The following RYK variants were observed in gnomAD, a reference collection of about 807,000 sequenced individuals.
RYK encodes inactive tyrosine-protein kinase RYK.
In RYK, 21 loss-of-function variants were observed where a neutral mutation model predicts 70.2. The observed-to-expected ratio is 0.30, with a 90% CI of 0.21 to 0.43. The LOEUF (loss-of-function observed/expected upper bound fraction) is 0.43. Among genes scored for constraint, RYK ranks in the 20% least tolerant of loss-of-function variants. RYK has a pLI of 1.00. For synonymous variants in RYK, 267 were observed against 278.0 expected, an observed-to-expected ratio of 0.96 and a Z score of 0.39; for missense variants, 604 against 753.3, an observed-to-expected ratio of 0.80 and a Z score of 2.32.
At chr3:134,222,352 A>G in intron 2 of RYK, 66 bp downstream of exon 2, 2 of 1,585,568 alleles carry the variant, frequency 1.3e-6, no homozygotes, top group Non-Finnish European at 8.6e-7. Flanking sequence ...CCAGTCCTCA[A>G]ACACAGCCCT....
Position 134,202,887 on chromosome 3 carries a change from CA to C in RYK, c.644-14del, listed in dbSNP as rs1200227070. On this transcript the variant is annotated splice_polypyrimidine_tract_variant and intron_variant, in intron 5 of 14. Coordinates refer to ENST00000623711, the MANE Select transcript of RYK (RefSeq NM_002958.4). ...TGTACAGGATCATCTGAAATAAAAACAAAAAGCACATTTAGCTTTTTAAACA... is the reference window on the plus strand; with the variant it reads ...TGTACAGGATCATCTGAAATAAAAACAAAAGCACATTTAGCTTTTTAAACA... The C allele has an allele frequency of 6.2e-7, 1 of 1,606,276 alleles. No homozygotes were observed. The highest frequency in any genetic ancestry group is 1.1e-5 in the South Asian group (1 of 88,964).
Position 134,222,395 on chromosome 3 carries a change from T to C in RYK, c.354+23A>G, listed in dbSNP as rs78405313. The C allele has an allele frequency of 8.5e-4, 1,374 of 1,612,016 alleles. 18 individuals are homozygous for C. In the East Asian group the frequency reaches 0.026, roughly 31 times the overall value. ...GTGGCTGGGTGACCCTGTCATGATG[T>C]CTGTGGTTAGCCACTCTCTTACCTT... On this transcript the variant is annotated intron_variant, in intron 2 of 14. Transcript: ENST00000623711.
At chr3:134,195,619 AC>A (rs1175864192) in intron 6 of RYK, among the ~76,000 whole-genome samples, 1 of 152,236 alleles carries the variant, frequency 6.6e-6, no homozygotes, top group East Asian at 1.9e-4. Flanking sequence ...GAAAGAGCAA[AC>A]CAAATCAAAT....
intron 13 of RYK, among the ~76,000 whole-genome samples, chr3:134,161,454 A>T (rs1576498891): frequency 1.3e-5 from 2 of 152,266 alleles, no homozygotes; most frequent in Non-Finnish European, 2.9e-5. Context: ...GACAACCCAA[A>T]ATGCCTCCGG....
At chr3:134,186,414 C>T (rs538252314) in intron 9 of RYK, among the ~76,000 whole-genome samples, 9 of 152,326 alleles carry the variant, frequency 5.9e-5, no homozygotes, top group Middle Eastern at 6.8e-3. Context: ...TGTAACAAAG[C>T]ATACAGATTT....
intron 13 of RYK, among the ~76,000 whole-genome samples, chr3:134,174,359 A>G (rs1055084969): frequency 6.6e-6 from 1 of 152,262 alleles, no homozygotes; most frequent in Non-Finnish European, 1.5e-5. Flanking sequence ...GGAAATGAGT[A>G]TATACCAATT....
chr3:134,169,065 C>T (rs2012798945), intron 13 of RYK, among the ~76,000 whole-genome samples: 1 of 152,136 alleles, frequency 6.6e-6, no homozygotes, highest in South Asian at 2.1e-4. Flanking sequence ...TGTAAAGGCA[C>T]AAGCAACACA....
Position 134,245,177 on chromosome 3 carries a change from G to A in RYK, c.232+5246C>T, listed in dbSNP as rs1489790667. ...AGGGATGACCTCTATGCCCCACACAGACAAAAGACAGCACTTTTAAAAGTG... is the reference window on the plus strand; with the variant it reads ...AGGGATGACCTCTATGCCCCACACAAACAAAAGACAGCACTTTTAAAAGTG... On this transcript the variant is annotated intron_variant, in intron 1 of 14. Transcript: ENST00000623711. Among the ~76,000 whole-genome samples, 4 of 152,114 alleles carry A rather than the reference G, an allele frequency of 2.6e-5. No homozygotes were observed. The East Asian group carries it at 5.8e-4, about 22-fold the overall frequency.
At chr3:134,182,786 G>C (rs2013342982) in intron 10 of RYK, among the ~76,000 whole-genome samples, 1 of 152,182 alleles carries the variant, frequency 6.6e-6, no homozygotes, top group Admixed American at 6.5e-5. Context: ...TTATCCAGAT[G>C]TGGGCTTACA....
chr3:134,175,501 G>C, intron 13 of RYK, 108 bp downstream of exon 13: 1 of 1,332,590 alleles, frequency 7.5e-7, no homozygotes. Flanking sequence ...AAATTTCCGG[G>C]AACAGCTAGC....
At chr3:134,201,563 T>C (rs531334653) in intron 6 of RYK, among the ~76,000 whole-genome samples, 2 of 152,038 alleles carry the variant, frequency 1.3e-5, no homozygotes, top group East Asian at 1.9e-4. Context: ...GAAAGGGGTG[T>C]TTGGGAGGCT....
chr3:134,245,840 C>A lies in RYK; in HGVS notation c.232+4583G>T, dbSNP rs147226876. Among the ~76,000 whole-genome samples, 446 of 152,206 alleles carry A rather than the reference C, an allele frequency of 2.9e-3. 1 individual carries two copies. Among genetic ancestry groups the A allele is most frequent in the African/African-American group, 0.01 (417 of 41,540 alleles). On this transcript the variant is annotated intron_variant, in intron 1 of 14. Transcript: ENST00000623711. The stretch of plus-strand genomic sequence containing the variant: ...TAAAGGTGTTGATATTCGGGGCAGA[C>A]TCCCAATGAAAAGTCCACCTGAACT...
intron 7 of RYK, 80 bp downstream of exon 7, chr3:134,195,002 G>T: frequency 1.0e-6 from 1 of 969,018 alleles, no homozygotes; most frequent in Non-Finnish European, 1.7e-6. Flanking sequence ...TGTCCCACAA[G>T]TACACTAACC....
intron 13 of RYK, among the ~76,000 whole-genome samples, chr3:134,164,519 T>C (rs1054256494): frequency 5.9e-5 from 9 of 152,226 alleles, no homozygotes; most frequent in Non-Finnish European, 8.8e-5. Flanking sequence ...TCAAGCTGTA[T>C]ACTGTTTTCC....
intron 13 of RYK, among the ~76,000 whole-genome samples, chr3:134,169,370 T>C (rs1056858060): frequency 5.9e-5 from 9 of 152,060 alleles, no homozygotes; most frequent in African/African-American, 2.2e-4. Context: ...AAGATGTAAA[T>C]CAAGAACTCT....
intron 5 of RYK, among the ~76,000 whole-genome samples, chr3:134,203,975 C>T (rs2014114646): frequency 6.6e-6 from 1 of 152,174 alleles, no homozygotes; most frequent in Non-Finnish European, 1.5e-5. Context: ...CAGTGCAGAT[C>T]TATATATTCT....
At chr3:134,184,012 T>C (rs1216138663) in intron 9 of RYK, among the ~76,000 whole-genome samples, 1 of 152,252 alleles carries the variant, frequency 6.6e-6, no homozygotes, top group Non-Finnish European at 1.5e-5. Flanking sequence ...TGTACCTTTC[T>C]GTTCTGTTTA....
chr3:134,205,493 G>C (rs764020293), intron 5 of RYK, among the ~76,000 whole-genome samples: 2 of 152,094 alleles, frequency 1.3e-5, no homozygotes, highest in African/African-American at 2.4e-5. Flanking sequence ...TCTTGGGAGG[G>C]ACAGAAAAAA....
chr3:134,175,573 T>A, intron 13 of RYK, 36 bp downstream of exon 13: 1 of 1,588,508 alleles, frequency 6.3e-7, no homozygotes, highest in East Asian at 2.2e-5. Context: ...AAGCTGTTTC[T>A]CTATTCTTTT....
Sources: allele counts gnomAD v4.1 joint callset (sites outside exome capture counted in the v4.1 genomes callset), GRCh38; gene constraint gnomAD v4.1.1; transcripts MANE v1.5; gene names NCBI Gene and HGNC (gene_info 2026-07-23, HGNC 2026-07-21).